TCIRG1: variants seen among roughly 807,000 people sequenced by gnomAD.
TCIRG1 encodes the protein V-type proton ATPase 116 kDa subunit a 3.
A neutral mutation model predicts 95.5 loss-of-function variants in TCIRG1; 86 were observed. The observed-to-expected ratio is 0.90, with a 90% CI of 0.76 to 1.08. The LOEUF (loss-of-function observed/expected upper bound fraction) is 1.08. Ranked by LOEUF, TCIRG1 falls within the 50% of genes least tolerant of loss-of-function variation. The probability of loss-of-function intolerance (pLI) is 0.00; values close to 1 mark genes in which losing one functional copy is unlikely to be tolerated. For synonymous variants in TCIRG1, 499 were observed against 501.3 expected (o/e 1.00, Z 0.06); for missense variants, 1,069 against 1,140.2 (o/e 0.94, Z 0.90).
chr11:68,041,836 G>A lies in TCIRG1; in HGVS notation c.196+5G>A, dbSNP rs1470999303. 1.9e-6 allele frequency: 3 copies of A among 1,603,426 alleles called. No homozygotes were observed. The East Asian group carries it at 6.7e-5, about 36-fold the overall frequency. ...AGGAGCTGGAGAAGACCTTCAGTGA[G>A]TTGGTCCCAGGCCTACATTCCAGGC... On this transcript the variant is annotated splice_donor_5th_base_variant and intron_variant, in intron 3 of 19. Coordinates refer to ENST00000265686, the MANE Select transcript of TCIRG1 (RefSeq NM_006019.4).
Position 68,049,950 on chromosome 11 carries a change from C to T in TCIRG1, c.2014-12C>T. 1 of 1,606,046 alleles carries T rather than the reference C, an allele frequency of 6.2e-7. No individual in the cohort carries two copies. The highest frequency in any genetic ancestry group is 8.5e-7 in the Non-Finnish European group (1 of 1,177,318). ...GCTGGAGTGCTGCCAACACTGCCTGCTCATGCCCCAGGAGGAAAACAAGGC... is the reference window on the plus strand; with the variant it reads ...GCTGGAGTGCTGCCAACACTGCCTGTTCATGCCCCAGGAGGAAAACAAGGC... On this transcript the variant is annotated splice_polypyrimidine_tract_variant and intron_variant, in intron 16 of 19. Coordinates refer to ENST00000265686, the MANE Select transcript of TCIRG1 (RefSeq NM_006019.4).
intron 10 of TCIRG1, among the ~76,000 whole-genome samples, chr11:68,046,390 T>G (rs1374290491): frequency 6.6e-6 from 1 of 152,190 alleles, no homozygotes; most frequent in Non-Finnish European, 1.5e-5. Flanking sequence ...GAGTGGCTCC[T>G]TCTGAGGCTG....
chr11:68,050,680 C>G lies in TCIRG1; in HGVS notation c.2414+16C>G. The G allele has an allele frequency of 6.2e-7, 1 of 1,613,656 alleles. No homozygotes were observed. The highest frequency in any genetic ancestry group is 8.5e-7 in the Non-Finnish European group (1 of 1,180,000). ...GGCTGCACTGGTGAGCGACCACCCA[C>G]TGGCCTGGGCTGCTCAAGGCGTGAG... On this transcript the variant is annotated intron_variant, in intron 19 of 19. Coordinates refer to ENST00000265686, the MANE Select transcript of TCIRG1 (RefSeq NM_006019.4).
intron 1 of TCIRG1, among the ~76,000 whole-genome samples, chr11:68,040,788 A>G (rs902835432): frequency 6.6e-6 from 1 of 152,174 alleles, no homozygotes; most frequent in African/African-American, 2.4e-5. Context: ...CTCCCTGGCT[A>G]GCCCCAGGGT....
At chr11:68,053,499 A>G (rs1184482408), downstream of TCIRG1, 13 of 153,124 alleles carry the variant, frequency 8.5e-5, no homozygotes, top group Admixed American at 7.8e-4. Flanking sequence ...TGCAGCAGTG[A>G]CTGGCGACTT....
At chr11:68,052,232 C>CCGGGT (rs1855821043), downstream of TCIRG1, 2 of 146,020 alleles carry the variant, frequency 1.4e-5, no homozygotes, top group Non-Finnish European at 3.0e-5. Flanking sequence ...CAGGGCCGGG[C>CCGGGT]CCAGGGTGGT....
intron 10 of TCIRG1, chr11:68,047,006 C>CTTTT (rs5792432): frequency 0.018 from 5,853 of 324,262 alleles, 38 homozygotes; most frequent in African/African-American, 0.029. Flanking sequence ...GTGGTGGGTT[C>CTTTT]TTTTTTTTTT....
downstream of TCIRG1, among the ~76,000 whole-genome samples, chr11:68,051,379 G>A (rs1415040993): frequency 2.0e-5 from 3 of 152,214 alleles, no homozygotes; most frequent in Non-Finnish European, 2.9e-5. Flanking sequence ...GTTCAGAACA[G>A]GGGCTGAGCC....
rs1449131788 is a variant in TCIRG1, at chr11:68,044,235, T to C, written c.911T>C (p.Leu304Pro). Residue 304 changes from leucine to proline, a missense_variant, in exon 9 of 20, where the codon CTG becomes CCG. Transcript: ENST00000265686. ...VQVHKMKAVY[L>P]ALNQCSVSTT... ...GTCCACAAGATGAAGGCCGTGTACC[T>C]GGCCCTGAACCAGTGCAGCGTGAGC... is the stretch of plus-strand genomic sequence containing the variant. 1.9e-6 allele frequency: 3 copies of C among 1,594,496 alleles called. No individual in the cohort carries two copies. Among genetic ancestry groups the C allele is most frequent in the Admixed American group, 1.8e-5 (1 of 56,896 alleles).
intron 10 of TCIRG1, chr11:68,047,006 CTTTTTTTT>C (rs5792432): frequency 1.5e-5 from 5 of 329,600 alleles, no homozygotes; most frequent in Non-Finnish European, 2.8e-5. Flanking sequence ...GTGGTGGGTT[CTTTTTTTT>C]TTTTTTTTTT....
In TCIRG1 at chr11:68,047,813, C is replaced by A; in HGVS notation, c.1463+9C>A. On this transcript the variant is annotated intron_variant, in intron 12 of 19. Coordinates refer to ENST00000265686, the MANE Select transcript of TCIRG1 (RefSeq NM_006019.4). ...AACCAGTCTGGCTGGAGGTGAGGCC[C>A]GGGCCCCAGCCCGGCTGGGGGCCCC... The A allele has an allele frequency of 6.2e-7, 1 of 1,612,238 alleles. No homozygotes were observed. The highest frequency in any genetic ancestry group is 8.5e-7 in the Non-Finnish European group (1 of 1,179,400).
At position 68,044,337 on chromosome 11, in the gene TCIRG1, A is replaced by G. The variant is rs1485751585; in HGVS notation, c.1013A>G (p.Asp338Gly). 27 of 1,583,802 alleles carry G rather than the reference A, an allele frequency of 1.7e-5. No homozygotes were observed. The Admixed American group carries it at 4.8e-4, about 28-fold the overall frequency. The change falls in exon 9 of 20, where the codon GAC becomes GGC. Residue 338 changes from aspartate to glycine, a missense_variant. Transcript: ENST00000265686. Reference protein sequence around the residue: ...DLPALQEALRDSSMEEGVSAV... With the variant: ...DLPALQEALRGSSMEEGVSAV... ...CCCGCCCTGCAGGAGGCCCTGCGGG[A>G]CAGCTCGGTGAGCAGCCTGAGGCCT...
intron 1 of TCIRG1, among the ~76,000 whole-genome samples, chr11:68,040,440 G>C (rs566600398): frequency 5.9e-5 from 9 of 152,320 alleles, no homozygotes; most frequent in African/African-American, 2.2e-4. Context: ...TCCCTGTTTA[G>C]AGTTAAGTAA....
At chr11:68,050,701 G>T (rs777758192) in intron 19 of TCIRG1, 37 bp downstream of exon 19, 2 of 1,613,702 alleles carry the variant, frequency 1.2e-6, no homozygotes, top group Non-Finnish European at 1.7e-6. Flanking sequence ...TGCTCAAGGC[G>T]TGAGTTCCCC....
chr11:68,041,524 C>A, intron 2 of TCIRG1, 136 bp downstream of exon 2: 1 of 760,494 alleles, frequency 1.3e-6, no homozygotes, highest in Non-Finnish European at 2.2e-6. Context: ...GCCATGGGCA[C>A]TGCTCATGGG....
intron 15 of TCIRG1, 70 bp from the exon 16 acceptor site, chr11:68,049,593 T>C (rs962920032): frequency 6.4e-7 from 1 of 1,565,078 alleles, no homozygotes; most frequent in Non-Finnish European, 8.6e-7. Context: ...GCCCCGTGAC[T>C]GCTGTGACTC....
intron 9 of TCIRG1, 112 bp downstream of exon 9, chr11:68,044,456 T>G (rs1855364583): frequency 3.5e-6 from 3 of 856,996 alleles, no homozygotes; most frequent in Non-Finnish European, 5.6e-6. Context: ...GCCTAGGGGC[T>G]CCTTCTCCTC....
chr11:68,050,317 T>C, intron 18 of TCIRG1, 63 bp downstream of exon 18: 1 of 1,598,418 alleles, frequency 6.3e-7, no homozygotes, highest in Middle Eastern at 1.7e-4. Flanking sequence ...CGCTGCTGGC[T>C]GGGCGGGTTG....
intron 13 of TCIRG1, chr11:68,048,247 C>T: frequency 1.8e-6 from 1 of 569,962 alleles, no homozygotes; most frequent in East Asian, 3.0e-5. Flanking sequence ...GCAGCTTGCA[C>T]TGTGCCAAGC....
Sources: gnomAD v4.1 joint callset for allele counts (sites outside exome capture counted in the v4.1 genomes callset) on GRCh38, gnomAD v4.1.1 for gene constraint, MANE v1.5 for transcripts, NCBI Gene and HGNC (gene_info 2026-07-23, HGNC 2026-07-21) for gene names.